The following FOCAD variants were observed in gnomAD, a reference collection of about 807,000 sequenced individuals.
FOCAD encodes the protein KIAA1797.
FOCAD carries 198 observed loss-of-function variants against 225.6 expected under a neutral mutation model. The ratio of observed to expected loss-of-function variants is 0.88; its 90% CI spans 0.78 to 0.99. The LOEUF is 0.99. FOCAD is among the 50% of genes least tolerant of loss of function. FOCAD has a pLI of 0.00. For synonymous variants in FOCAD, 897 were observed against 755.0 expected (o/e 1.19, Z -3.08); for missense variants, 2,713 against 2,123.6 (o/e 1.28, Z -5.46).
At position 20,944,706 on chromosome 9, in the gene FOCAD, G is replaced by C; in HGVS notation, c.3487G>C (p.Ala1163Pro). 6.2e-7 allele frequency: 1 copy of C among 1,614,108 alleles called. No homozygotes were observed. ...CCAAATGCAGTCCCGCGTTCACGTA[G>C]CAGCATTGCTCCGGAAGCTGTCTGC... The part of the protein sequence containing the change: ...SSQMQSRVHV[A>P]ALLRKLSAHV... The change falls in exon 29 of 44, where the codon GCA becomes CCA. Residue 1163 changes from alanine to proline, a missense_variant. Physicochemically the swap from Ala to Pro is conservative, Grantham distance 27 (BLOSUM62 -1). Coordinates refer to ENST00000338382, the MANE Select transcript of FOCAD (RefSeq NM_001375567.1).
intron 18 of FOCAD, among the ~76,000 whole-genome samples, chr9:20,870,266 A>G (rs1829645922): frequency 6.6e-6 from 1 of 152,206 alleles, no homozygotes; most frequent in South Asian, 2.1e-4. Context: ...ATTTAAAGTG[A>G]ATGTCACTGC....
intron 28 of FOCAD, 42 bp downstream of exon 28, chr9:20,933,145 T>C: frequency 7.4e-7 from 1 of 1,347,096 alleles, no homozygotes; most frequent in Admixed American, 1.7e-5. Flanking sequence ...ACTTAGACAT[T>C]GCTCCCTACA....
intron 5 of FOCAD, among the ~76,000 whole-genome samples, chr9:20,754,549 G>GTTT (rs11412520): frequency 2.1e-5 from 3 of 145,868 alleles, no homozygotes; most frequent in Non-Finnish European, 4.5e-5. Flanking sequence ...GAAGCATAGT[G>GTTT]TTTTTTTTTT....
intron 39 of FOCAD, among the ~76,000 whole-genome samples, chr9:20,984,785 A>T (rs896112580): frequency 6.6e-6 from 1 of 152,154 alleles, no homozygotes; most frequent in African/African-American, 2.4e-5. Flanking sequence ...AAAACTCAAC[A>T]ACTTGTAGTT....
chr9:20,775,917 T>C, intron 8 of FOCAD, among the ~76,000 whole-genome samples: 1 of 152,058 alleles, frequency 6.6e-6, no homozygotes, highest in South Asian at 2.1e-4. Flanking sequence ...TTTTATTGTA[T>C]TTTATTTATT....
chr9:20,822,935 A>T, intron 14 of FOCAD, 54 bp from the exon 15 acceptor site: 1 of 1,509,308 alleles, frequency 6.6e-7, no homozygotes, highest in Non-Finnish European at 8.8e-7. Flanking sequence ...AAGATCTGGG[A>T]GTGATAACTG....
chr9:20,812,427 ATT>A (rs1175991882), intron 11 of FOCAD, among the ~76,000 whole-genome samples: 1 of 151,974 alleles, frequency 6.6e-6, no homozygotes, highest in Non-Finnish European at 1.5e-5. Flanking sequence ...ACTACTTAAG[ATT>A]TTCGTTATAG....
chr9:20,983,322 C>G (rs957695827), intron 39 of FOCAD, among the ~76,000 whole-genome samples: 25 of 151,942 alleles, frequency 1.6e-4, no homozygotes, highest in African/African-American at 5.6e-4. Context: ...GCCTGTAATC[C>G]CAGCACTTTG....
chr9:20,960,809 A>T (rs1220218176), intron 35 of FOCAD, among the ~76,000 whole-genome samples: 1 of 140,790 alleles, frequency 7.1e-6, no homozygotes, highest in Non-Finnish European at 1.5e-5. Context: ...TGTTCTCATT[A>T]TTCAATTCCC....
intron 2 of FOCAD, among the ~76,000 whole-genome samples, chr9:20,674,962 C>G (rs1822190013): frequency 6.6e-6 from 1 of 152,170 alleles, no homozygotes; most frequent in Admixed American, 6.5e-5. Flanking sequence ...TGGGGCAGAA[C>G]TATACCTATG....
rs760035336 is a variant in FOCAD, at chr9:20,758,104, C to A, written c.407C>A (p.Pro136His). Reference protein sequence around the residue: ...SIYTIRNHPHPLITVLEHRPD... With the variant: ...SIYTIRNHPHHLITVLEHRPD... The stretch of plus-strand genomic sequence containing the variant: ...GTGTCTTTCAGAAATCATCCTCATC[C>A]TTTGATAACTGTGCTTGAACACAGA... Residue 136 changes from proline (P) to histidine (H), a missense_variant, in exon 6 of 44, where the codon CCT becomes CAT. By Grantham distance (77) the Pro-to-His change is moderately conservative. Coordinates refer to ENST00000338382, the MANE Select transcript of FOCAD (RefSeq NM_001375567.1). 6.2e-7 allele frequency: 1 copy of A among 1,606,804 alleles called. No individual in the cohort carries two copies. The highest frequency in any genetic ancestry group is 1.7e-5 in the Admixed American group (1 of 58,190).
intron 21 of FOCAD, among the ~76,000 whole-genome samples, chr9:20,890,585 A>T (rs1464395001): frequency 1.3e-5 from 2 of 152,022 alleles, no homozygotes; most frequent in East Asian, 3.9e-4. Context: ...AATTTTGTTA[A>T]TAAGGATTTT....
intron 11 of FOCAD, among the ~76,000 whole-genome samples, chr9:20,815,314 T>TG (rs1823611124): frequency 6.7e-6 from 1 of 149,970 alleles, no homozygotes; most frequent in Non-Finnish European, 1.5e-5. Context: ...TTGTAGTTTT[T>TG]TTTTTTTTTT....
At chr9:20,919,097 A>G (rs943548611) in intron 24 of FOCAD, among the ~76,000 whole-genome samples, 32 of 152,222 alleles carry the variant, frequency 2.1e-4, no homozygotes, top group African/African-American at 7.5e-4. Flanking sequence ...CCTCAAGCTG[A>G]TAAGCAACTT....
At chr9:20,918,838 A>T (rs960766462) in intron 24 of FOCAD, among the ~76,000 whole-genome samples, 1 of 152,206 alleles carries the variant, frequency 6.6e-6, no homozygotes, top group Admixed American at 6.5e-5. Flanking sequence ...CTGGAGGCTG[A>T]GAGATTGGTG....
rs757159374 is a variant in FOCAD at position 20,867,001 on chromosome 9, C to A, written c.2179C>A (p.Leu727Met). 6 of 1,460,924 alleles carry A rather than the reference C, an allele frequency of 4.1e-6. No individual in the cohort carries two copies. Among genetic ancestry groups the A allele is most frequent in the Non-Finnish European group, 5.5e-6 (6 of 1,088,310 alleles). 90.5% of individuals were successfully genotyped at this position (1,460,924 alleles called of 1,614,324 possible). The change falls in exon 18 of 44, where the codon CTG becomes ATG. Residue 727 changes from leucine (L) to methionine (M), a missense_variant. Leu to Met is a conservative substitution (Grantham distance 15, BLOSUM62 2). Coordinates refer to ENST00000338382, the MANE Select transcript of FOCAD (RefSeq NM_001375567.1). ...TGCAGGAGAACACACCATTCTTCAT[C>A]TGCCTGAAAAGGTAGGCATATCTGC... ...FSAGEHTILHLPEKIRPEIPI... is the reference protein window; with the variant it reads ...FSAGEHTILHMPEKIRPEIPI...
At chr9:20,806,500 A>G (rs1325417406) in intron 11 of FOCAD, among the ~76,000 whole-genome samples, 2 of 152,184 alleles carry the variant, frequency 1.3e-5, no homozygotes, top group African/African-American at 2.4e-5. Flanking sequence ...AAGACAAGCT[A>G]CAGAACAAGA....
At chr9:20,739,728 T>A (rs1306182460) in intron 4 of FOCAD, among the ~76,000 whole-genome samples, 1 of 152,208 alleles carries the variant, frequency 6.6e-6, no homozygotes, top group Non-Finnish European at 1.5e-5. Flanking sequence ...TTCTGATATG[T>A]TTATCCTCTT....
chr9:20,948,133 C>G (rs1837356806), intron 30 of FOCAD, 138 bp from the exon 31 acceptor site: 1 of 853,280 alleles, frequency 1.2e-6, no homozygotes, highest in Non-Finnish European at 1.7e-6. Context: ...ACACTTAAGT[C>G]TGATTTTTCA....
Sources: allele counts gnomAD v4.1 joint callset (sites outside exome capture counted in the v4.1 genomes callset), GRCh38; gene constraint gnomAD v4.1.1; transcripts MANE v1.5; gene names NCBI Gene and HGNC (gene_info 2026-07-23, HGNC 2026-07-21).